Variants in KLF8 observed in about 807,000 individuals in gnomAD.
KLF8 encodes the protein KLF transcription factor 8.
Under a neutral mutation model 18.2 loss-of-function variants are expected in KLF8, and 10 were observed. The observed-to-expected ratio is 0.55, with a 90% CI of 0.34 to 0.93. The LOEUF (loss-of-function observed/expected upper bound fraction) is 0.93. KLF8 is among the 40% of genes least tolerant of loss of function. The probability of loss-of-function intolerance (pLI) is 0.02; values close to 1 mark genes in which losing one functional copy is unlikely to be tolerated. For missense variants in KLF8, 264 were observed against 277.9 expected (o/e 0.95, Z 0.36); for synonymous variants, 109 against 97.3 (o/e 1.12, Z -0.71).
chrX:56,208,552 T>G, the KLF8 span, among the ~76,000 whole-genome samples: 3 of 111,616 alleles, frequency 2.7e-5, no homozygotes, highest in Admixed American at 9.5e-5. Context: ...TTAAGATCCA[T>G]TATTAGATTG....
the KLF8 span, among the ~76,000 whole-genome samples, chrX:56,077,249 T>G: frequency 4.5e-5 from 5 of 112,177 alleles, no homozygotes; most frequent in Non-Finnish European, 9.4e-5. Flanking sequence ...TGCCTAGGTT[T>G]TCTTCTAGGA....
chrX:56,224,160 C>T, the KLF8 span, among the ~76,000 whole-genome samples: 1 of 111,075 alleles, frequency 9.0e-6, no homozygotes, highest in African/African-American at 3.3e-5. Context: ...AGGGCAGAAA[C>T]GGTTAGGGAG....
chrX:56,012,228 A>G, the KLF8 span, among the ~76,000 whole-genome samples: 5 of 112,075 alleles, frequency 4.5e-5, no homozygotes, highest in Non-Finnish European at 9.4e-5. Context: ...AAATACTGGC[A>G]AACCAATTCC....
chrX:56,179,591 A>T, the KLF8 span, among the ~76,000 whole-genome samples: 5 of 112,099 alleles, frequency 4.5e-5, no homozygotes, highest in Non-Finnish European at 3.8e-5. Context: ...GAATGCTTCC[A>T]GTTTTTGCCC....
chrX:55,999,952 A>G, the KLF8 span, among the ~76,000 whole-genome samples: 5 of 111,833 alleles, frequency 4.5e-5, no homozygotes, highest in Non-Finnish European at 9.4e-5. Context: ...CAACTTTTCC[A>G]TATTCGGTAT....
the KLF8 span, among the ~76,000 whole-genome samples, chrX:55,927,224 C>A: frequency 9.0e-6 from 1 of 111,720 alleles, no homozygotes; most frequent in African/African-American, 3.3e-5. Context: ...CTATCTTGTC[C>A]ATTGTAAGAT....
the KLF8 span, among the ~76,000 whole-genome samples, chrX:56,067,322 A>AT: frequency 1.9e-5 from 2 of 108,042 alleles, no homozygotes; most frequent in African/African-American, 3.4e-5. Context: ...GGTCAGGCCT[A>AT]TTTTTTTACA....
the KLF8 span, among the ~76,000 whole-genome samples, chrX:56,191,807 G>A: frequency 9.0e-6 from 1 of 110,918 alleles, no homozygotes; most frequent in African/African-American, 3.3e-5. Context: ...TTTAAAAACT[G>A]GGTATTGATA....
chrX:56,200,599 A>G, the KLF8 span, among the ~76,000 whole-genome samples: 2 of 110,481 alleles, frequency 1.8e-5, no homozygotes, highest in Admixed American at 1.9e-4. Flanking sequence ...CACAAGCAAA[A>G]AAAGCAAGTG....
At chrX:56,069,491 G>A in the KLF8 span, among the ~76,000 whole-genome samples, 1 of 111,750 alleles carries the variant, frequency 8.9e-6, no homozygotes, top group East Asian at 2.8e-4. Context: ...GATGGGCACA[G>A]CCTCCTTTTG....
At chrX:56,062,236 T>G in the KLF8 span, among the ~76,000 whole-genome samples, 2 of 110,950 alleles carry the variant, frequency 1.8e-5, no homozygotes, top group Non-Finnish European at 3.8e-5. Context: ...GCTTGTTAGT[T>G]GATGCAGTTT....
chrX:56,153,454 C>G, the KLF8 span, among the ~76,000 whole-genome samples: 1 of 111,446 alleles, frequency 9.0e-6, no homozygotes, highest in Non-Finnish European at 1.9e-5. Flanking sequence ...TCTCTGCATT[C>G]AATCTGTAAC....
chrX:55,953,959 AT>A, the KLF8 span, among the ~76,000 whole-genome samples: 159 of 109,242 alleles, frequency 1.5e-3, no homozygotes, highest in African/African-American at 3.4e-3. Context: ...ATGCATATAT[AT>A]TTTTTTTCTA....
chrX:56,089,989 C>T, the KLF8 span, among the ~76,000 whole-genome samples: 1 of 111,935 alleles, frequency 8.9e-6, no homozygotes, highest in African/African-American at 3.2e-5. Flanking sequence ...CAGAAGCTAA[C>T]CTACTAGTTT....
chrX:56,141,440 A>AATCTAATTTATTTATAAATTAAAGATT, the KLF8 span, among the ~76,000 whole-genome samples: 1 of 111,667 alleles, frequency 9.0e-6, no homozygotes, highest in Non-Finnish European at 1.9e-5. Flanking sequence ...TGCCAAGTGC[A>AATCTAATTTATTTATAAATTAAAGATT]ATCTAATTTA....
the KLF8 span, among the ~76,000 whole-genome samples, chrX:56,067,659 T>A: frequency 9.0e-6 from 1 of 111,189 alleles, no homozygotes; most frequent in Non-Finnish European, 1.9e-5. Context: ...TGAGAAAGAG[T>A]GAGTGAGAGC....
At chrX:55,997,280 C>T in the KLF8 span, among the ~76,000 whole-genome samples, 25 of 111,937 alleles carry the variant, frequency 2.2e-4, no homozygotes, top group Admixed American at 1.3e-3. Context: ...TTAGCCAGTG[C>T]GGATGGGCAT....
intron 5 of KLF8, among the ~76,000 whole-genome samples, chrX:56,271,009 A>AATGTGT: frequency 8.9e-6 from 1 of 112,353 alleles, no homozygotes; most frequent in Non-Finnish European, 1.9e-5. Flanking sequence ...TAACAATACA[A>AATGTGT]CAATAAAAAA....
chrX:56,001,411 G>A, the KLF8 span, among the ~76,000 whole-genome samples: 1 of 111,578 alleles, frequency 9.0e-6, no homozygotes, highest in Admixed American at 9.5e-5. Context: ...TCTTTCTGTG[G>A]CCAATCCTTG....
Sources: allele counts gnomAD v4.1 joint callset (sites outside exome capture counted in the v4.1 genomes callset), GRCh38; gene constraint gnomAD v4.1.1; transcripts MANE v1.5; gene names NCBI Gene and HGNC (gene_info 2026-07-23, HGNC 2026-07-21).